DPP10: variants seen among roughly 807,000 people sequenced by gnomAD.
DPP10 encodes inactive dipeptidyl peptidase 10.
In DPP10, 33 loss-of-function variants were observed where a neutral mutation model predicts 120.9. That is an observed-to-expected ratio of 0.27 (90% confidence interval 0.21 to 0.37). The LOEUF is 0.37. Among genes scored for constraint, DPP10 ranks in the 10% least tolerant of loss-of-function variants. The pLI is 1.00. For synonymous variants in DPP10, 337 were observed against 326.1 expected (o/e 1.03, Z -0.36); for missense variants, 816 against 942.8 (o/e 0.87, Z 1.76).
chr2:114,512,511 G>A lies in DPP10; in HGVS notation c.60+69673G>A, dbSNP rs189638550. ...ATGAGATGCACAACTTGGAGGTCTC[G>A]ATTTTCTCATCTGTAAAACTGGGCA... On this transcript the variant is annotated intron_variant, in intron 1 of 25. Coordinates refer to ENST00000410059, the MANE Select transcript of DPP10 (RefSeq NM_020868.6). 2.1e-3 allele frequency among the ~76,000 whole-genome samples: 313 copies of A among 152,234 alleles called. 5 individuals are homozygous for A. The highest frequency in any genetic ancestry group is 9.9e-4 in the Non-Finnish European group (67 of 68,012).
intron 3 of DPP10, among the ~76,000 whole-genome samples, chr2:115,465,119 GTATTACTTAATACTTACAA>G (rs1368465620): frequency 6.6e-6 from 1 of 152,008 alleles, no homozygotes; most frequent in African/African-American, 2.4e-5. Flanking sequence ...TGTTTCCTAA[GTATTACTTAATACTTACAA>G]TATATTTTTC....
intron 1 of DPP10, among the ~76,000 whole-genome samples, chr2:114,654,191 G>A (rs1338224415): frequency 3.3e-5 from 5 of 152,206 alleles, no homozygotes; most frequent in South Asian, 2.1e-4. Flanking sequence ...AACTGCACTC[G>A]AAATGGTATT....
intron 1 of DPP10, among the ~76,000 whole-genome samples, chr2:115,200,444 G>A (rs1237494440): frequency 6.6e-6 from 1 of 152,096 alleles, no homozygotes; most frequent in African/African-American, 2.4e-5. Flanking sequence ...TATATGTGCA[G>A]ATTAAAAATG....
intron 1 of DPP10, among the ~76,000 whole-genome samples, chr2:114,854,722 G>A (rs1403038658): frequency 5.3e-5 from 8 of 152,216 alleles, no homozygotes; most frequent in African/African-American, 1.9e-4. Flanking sequence ...TGAACAAATA[G>A]TAAAAGAATA....
chr2:114,652,647 T>C (rs1219612343), intron 1 of DPP10, among the ~76,000 whole-genome samples: 5 of 152,226 alleles, frequency 3.3e-5, no homozygotes, highest in East Asian at 1.9e-4. Context: ...AGTGGATGTA[T>C]AATTGATGGT....
chr2:115,752,595 A>G (rs1374558979), intron 10 of DPP10, among the ~76,000 whole-genome samples: 3 of 152,200 alleles, frequency 2.0e-5, no homozygotes, highest in Non-Finnish European at 4.4e-5. Context: ...TTGGTCTACA[A>G]CTGGCAAAGA....
At chr2:115,709,179 G>A (rs2092232916) in intron 7 of DPP10, among the ~76,000 whole-genome samples, 1 of 152,072 alleles carries the variant, frequency 6.6e-6, no homozygotes, top group Non-Finnish European at 1.5e-5. Context: ...TAGCCTAAGG[G>A]CAACTGTAGT....
Position 115,746,263 on chromosome 2 carries a change from A to G in DPP10, c.950+80A>G. The G allele has an allele frequency of 2.5e-6, 3 of 1,217,720 alleles. No individual in the cohort carries two copies. The South Asian group carries it at 3.8e-5, about 16-fold the overall frequency. The allele number at this position is 1,217,720 out of a possible 1,614,324, so 75.4% of individuals were successfully genotyped here. ...TCATTTTGTTGCAATTTAGAGAGAG[A>G]TGTGATCAGCTCAACAAATCCACTT... On this transcript the variant is annotated intron_variant, in intron 10 of 25. Coordinates refer to ENST00000410059, the MANE Select transcript of DPP10 (RefSeq NM_020868.6).
At chr2:115,126,023 C>G (rs1233472302) in intron 1 of DPP10, among the ~76,000 whole-genome samples, 4 of 152,156 alleles carry the variant, frequency 2.6e-5, no homozygotes, top group African/African-American at 9.7e-5. Context: ...TTGAAAGCAA[C>G]CCATATTTTG....
chr2:115,524,973 A>G (rs1050261971), intron 4 of DPP10, among the ~76,000 whole-genome samples: 5 of 152,134 alleles, frequency 3.3e-5, no homozygotes, highest in Admixed American at 2.6e-4. Context: ...TGTAAAACAA[A>G]CAAACAAACA....
At chr2:114,820,637 G>A (rs1466735458) in intron 1 of DPP10, among the ~76,000 whole-genome samples, 3 of 152,330 alleles carry the variant, frequency 2.0e-5, no homozygotes, top group Middle Eastern at 3.4e-3. Flanking sequence ...GGCATCAGGA[G>A]ATGGAACGAG....
intron 1 of DPP10, among the ~76,000 whole-genome samples, chr2:114,674,135 CTT>C (rs1698520194): frequency 6.6e-6 from 1 of 151,970 alleles, no homozygotes; most frequent in African/African-American, 2.4e-5. Flanking sequence ...AGAAAAAAGA[CTT>C]TACATGATCC....
At chr2:115,161,989 C>A in intron 1 of DPP10, 1 of 1,397,860 alleles carries the variant, frequency 7.2e-7, no homozygotes, top group Non-Finnish European at 9.2e-7. Context: ...CGCAGCCCAC[C>A]CCGGGGGCCA....
At chr2:114,766,930 CGAGA>C (rs912446986) in intron 1 of DPP10, among the ~76,000 whole-genome samples, 1 of 150,368 alleles carries the variant, frequency 6.7e-6, no homozygotes, top group South Asian at 2.1e-4. Flanking sequence ...CATACACACA[CGAGA>C]GAGAGAGAGA....
chr2:114,703,937 A>G (rs1700533158), intron 1 of DPP10, among the ~76,000 whole-genome samples: 1 of 152,128 alleles, frequency 6.6e-6, no homozygotes, highest in African/African-American at 2.4e-5. Flanking sequence ...AGTGGGTGAT[A>G]TGAGGAAATA....
At chr2:115,764,186 A>G (rs1476723236) in intron 12 of DPP10, among the ~76,000 whole-genome samples, 1 of 152,086 alleles carries the variant, frequency 6.6e-6, no homozygotes, top group South Asian at 2.1e-4. Context: ...ATTGTAAACC[A>G]AACGCCTAGT....
intron 13 of DPP10, among the ~76,000 whole-genome samples, chr2:115,770,922 G>A (rs1365406240): frequency 1.3e-5 from 2 of 152,020 alleles, no homozygotes; most frequent in African/African-American, 4.8e-5. Flanking sequence ...ATATAGATTT[G>A]TAACATTAAA....
At chr2:114,457,744 C>A (rs1678660917) in intron 1 of DPP10, among the ~76,000 whole-genome samples, 1 of 152,128 alleles carries the variant, frequency 6.6e-6, no homozygotes. Context: ...TTATGCTTTG[C>A]AAAGCCCCAA....
At chr2:115,800,692 A>T (rs1167466270) in intron 19 of DPP10, among the ~76,000 whole-genome samples, 2 of 152,188 alleles carry the variant, frequency 1.3e-5, no homozygotes, top group African/African-American at 4.8e-5. Flanking sequence ...TTAAATAGGG[A>T]ATCCTTTCCC....
Sources: gnomAD v4.1 joint callset for allele counts (sites outside exome capture counted in the v4.1 genomes callset) on GRCh38, gnomAD v4.1.1 for gene constraint, MANE v1.5 for transcripts, NCBI Gene and HGNC (gene_info 2026-07-23, HGNC 2026-07-21) for gene names.